The following TMEM132B variants were observed in gnomAD, a reference collection of about 807,000 sequenced individuals.
TMEM132B encodes the protein transmembrane protein 132B.
Under a neutral mutation model 90.8 loss-of-function variants are expected in TMEM132B, and 18 were observed. That is an observed-to-expected ratio of 0.20 (90% CI 0.14 to 0.29). The LOEUF (loss-of-function observed/expected upper bound fraction) is 0.29, where lower values mean the gene tolerates loss of function less well. Among genes scored for constraint, TMEM132B ranks in the 10% least tolerant of loss-of-function variants. The pLI is 1.00. For missense variants in TMEM132B, 1,096 were observed against 1,326.8 expected (o/e 0.83, Z 2.70); for synonymous variants, 504 against 523.3 (o/e 0.96, Z 0.50).
intron 5 of TMEM132B, among the ~76,000 whole-genome samples, chr12:125,598,538 C>G (rs1458187172): frequency 1.4e-4 from 21 of 152,116 alleles, no homozygotes; most frequent in African/African-American, 5.1e-4. Context: ...GGGCTAATAG[C>G]CCCAAGAGTG....
chr12:125,629,370 A>T (rs148793983), intron 5 of TMEM132B, among the ~76,000 whole-genome samples: 128 of 152,054 alleles, frequency 8.4e-4, no homozygotes, highest in African/African-American at 3.0e-3. Context: ...TCTTTGGTTA[A>T]TTCCTAGGAA....
At chr12:125,403,427 C>A (rs577447493) in intron 2 of TMEM132B, among the ~76,000 whole-genome samples, 4 of 152,324 alleles carry the variant, frequency 2.6e-5, no homozygotes, top group African/African-American at 9.6e-5. Context: ...ATGCTCAGAG[C>A]CCAAATTCCG....
At chr12:125,476,528 C>T (rs1881887335) in intron 3 of TMEM132B, among the ~76,000 whole-genome samples, 1 of 152,114 alleles carries the variant, frequency 6.6e-6, no homozygotes, top group Admixed American at 6.5e-5. Flanking sequence ...ATTTGTTTAT[C>T]CATTACTGTA....
At chr12:125,463,478 A>G (rs1431932333) in intron 3 of TMEM132B, among the ~76,000 whole-genome samples, 1 of 152,118 alleles carries the variant, frequency 6.6e-6, no homozygotes, top group Admixed American at 6.6e-5. Context: ...TATAAAATCA[A>G]TTTTATTTCT....
chr12:125,596,218 G>C (rs960919588), intron 5 of TMEM132B, among the ~76,000 whole-genome samples: 13 of 152,154 alleles, frequency 8.5e-5, no homozygotes, highest in African/African-American at 2.4e-4. Flanking sequence ...TGGACTTTCA[G>C]AAGTTCACAC....
At position 125,405,603 on chromosome 12, in the gene TMEM132B, G is replaced by A. The variant is rs572584544; in HGVS notation, c.960-9928G>A. On this transcript the variant is annotated intron_variant, in intron 2 of 8. Coordinates refer to ENST00000682704, the MANE Select transcript of TMEM132B (RefSeq NM_001366854.1). ...AGGCTGGTGTGAATACCTGTGCTGT[G>A]CCAGTCAGGTATAGTGGCCAGATGG... Among the ~76,000 whole-genome samples the A allele has an allele frequency of 2.6e-5, 4 of 152,220 alleles. No homozygotes were observed. The East Asian group carries it at 7.7e-4, about 29-fold the overall frequency.
At chr12:125,615,869 G>C (rs1328576716) in intron 5 of TMEM132B, among the ~76,000 whole-genome samples, 2 of 152,104 alleles carry the variant, frequency 1.3e-5, no homozygotes, top group African/African-American at 4.8e-5. Context: ...CAGATTAATA[G>C]GAGAAAAGTC....
intron 1 of TMEM132B, among the ~76,000 whole-genome samples, chr12:125,327,697 G>C (rs142756430): frequency 1.5e-3 from 234 of 152,314 alleles, no homozygotes; most frequent in African/African-American, 5.2e-3. Flanking sequence ...TAGAGAGGGG[G>C]CTTAAGTGTC....
intron 1 of TMEM132B, among the ~76,000 whole-genome samples, chr12:125,214,450 T>C (rs1268616179): frequency 6.6e-6 from 1 of 152,200 alleles, no homozygotes; most frequent in African/African-American, 2.4e-5. Flanking sequence ...GTTCTGACTC[T>C]CACTGGCTAG....
At position 125,495,551 on chromosome 12, in the gene TMEM132B, C is replaced by T. The variant is rs117236466; in HGVS notation, c.1107-23888C>T. Among the ~76,000 whole-genome samples, 757 of 152,298 alleles carry T rather than the reference C, an allele frequency of 5.0e-3. 6 individuals are homozygous for T. Among genetic ancestry groups the T allele is most frequent in the South Asian group, 0.019 (93 of 4,824 alleles). On this transcript the variant is annotated intron_variant, in intron 3 of 8. Transcript: ENST00000682704. ...CCTTATTATTTCTCTTATTCATTGA[C>T]ATCCCTTATTATTTCTCTTATTCAC...
chr12:125,469,483 A>G (rs761017619), intron 3 of TMEM132B, among the ~76,000 whole-genome samples: 8 of 152,194 alleles, frequency 5.3e-5, no homozygotes, highest in Non-Finnish European at 1.0e-4. Flanking sequence ...CCATTTACAA[A>G]TACATGAACA....
Position 125,519,627 on chromosome 12 carries a change from T to A in TMEM132B, c.1293+2T>A. ...GTGGGCATCGTCCCTCTTGCCATGG[T>A]GAGGAATCTGGGGGTTTCAGAGGAA... On this transcript the variant is annotated splice_donor_variant, in intron 4 of 8. Transcript: ENST00000682704. LOFTEE classifies it high-confidence loss of function. 6.2e-7 allele frequency: 1 copy of A among 1,613,822 alleles called. No homozygotes were observed. Among genetic ancestry groups the A allele is most frequent in the Non-Finnish European group, 8.5e-7 (1 of 1,179,970 alleles).
intron 2 of TMEM132B, among the ~76,000 whole-genome samples, chr12:125,360,868 A>G (rs116167036): frequency 0.012 from 1,884 of 151,956 alleles, 44 homozygotes; most frequent in African/African-American, 0.042. Context: ...TAGAATCAAT[A>G]AGGCTTGGGG....
At chr12:125,565,875 T>TTAGGCATTC (rs758661701) in intron 4 of TMEM132B, among the ~76,000 whole-genome samples, 1 of 152,252 alleles carries the variant, frequency 6.6e-6, no homozygotes, top group Non-Finnish European at 1.5e-5. Flanking sequence ...ATGCCTGTTC[T>TTAGGCATTC]TATTTAGGGC....
At chr12:125,586,255 T>C (rs969791) in intron 5 of TMEM132B, 107,471 of 151,974 alleles carry the variant, frequency 0.71, 38,537 homozygotes, top group Middle Eastern at 0.83. Flanking sequence ...AAGGGAAAAA[T>C]GTGAATTTAG....
chr12:125,200,489 T>A (rs1873030653), intron 1 of TMEM132B, among the ~76,000 whole-genome samples: 1 of 152,172 alleles, frequency 6.6e-6, no homozygotes, highest in Admixed American at 6.5e-5. Flanking sequence ...TGGCTAGTAT[T>A]CCATGGCACG....
intron 2 of TMEM132B, among the ~76,000 whole-genome samples, chr12:125,366,990 T>A (rs1312142938): frequency 6.6e-6 from 1 of 152,210 alleles, no homozygotes; most frequent in Admixed American, 6.5e-5. Flanking sequence ...CTATTGTAGT[T>A]TTCGATCTAG....
Position 125,460,982 on chromosome 12 carries a change from A to T in TMEM132B, c.1106+45305A>T, listed in dbSNP as rs1881421919. Among the ~76,000 whole-genome samples, 1 of 152,264 alleles carries T rather than the reference A, an allele frequency of 6.6e-6. No homozygotes were observed. Among genetic ancestry groups the T allele is most frequent in the Admixed American group, 6.5e-5 (1 of 15,288 alleles). Reference sequence around the variant, plus strand: ...CATGTCCTGTATTCATTAATGAAACAAAGGAAAGGTGCGTGGCTCTCCCCA... The same window carrying T: ...CATGTCCTGTATTCATTAATGAAACTAAGGAAAGGTGCGTGGCTCTCCCCA... On this transcript the variant is annotated intron_variant, in intron 3 of 8. Transcript: ENST00000682704. The surrounding 1 kb of genome is among the most constrained non-coding windows in gnomAD (Gnocchi z 4.4).
At chr12:125,644,382 C>T (rs1593041714) in intron 6 of TMEM132B, 101 bp downstream of exon 6, 2 of 1,322,836 alleles carry the variant, frequency 1.5e-6, no homozygotes, top group Non-Finnish European at 2.1e-6. Context: ...TGGGAAGCAA[C>T]ATCCACAGCG....
Sources: allele counts gnomAD v4.1 joint callset (sites outside exome capture counted in the v4.1 genomes callset), GRCh38; gene constraint gnomAD v4.1.1; non-coding constraint Gnocchi (gnomAD v3.1); transcripts MANE v1.5; gene names NCBI Gene and HGNC (gene_info 2026-07-23, HGNC 2026-07-21).